The following MTMR4 variants were observed in gnomAD, a reference collection of about 807,000 sequenced individuals.
The protein encoded by MTMR4 is myotubularin related protein 4.
A neutral mutation model predicts 125.5 loss-of-function variants in MTMR4; 30 were observed. That is an observed-to-expected ratio of 0.24 (90% CI 0.18 to 0.32). The LOEUF is 0.32. MTMR4 is among the 10% of genes least tolerant of loss of function. MTMR4 has a pLI of 1.00. For missense variants in MTMR4, 1,039 were observed against 1,511.5 expected (o/e 0.69, Z 5.18); for synonymous variants, 498 against 564.5 (o/e 0.88, Z 1.67).
chr17:58,505,323 T>G, intron 10 of MTMR4, 149 bp downstream of exon 10: 1 of 647,432 alleles, frequency 1.5e-6, no homozygotes. Context: ...AGTGGAAGGG[T>G]TCTTGGAACT....
Position 58,492,756 on chromosome 17 carries a change from C to T in MTMR4, c.3363+86G>A, listed in dbSNP as rs949330824. On this transcript the variant is annotated intron_variant, in intron 16 of 17. Coordinates refer to ENST00000682306, the MANE Select transcript of MTMR4 (RefSeq NM_001378067.1). ...GCTGACACTCCTCTGGGGGACAGCT[C>T]AGTCTACAGCATGTCATTCATCTCT... 5.1e-6 allele frequency: 7 copies of T among 1,375,878 alleles called. No individual in the cohort carries two copies. The African/African-American group carries it at 8.6e-5, about 17-fold the overall frequency. The allele number at this position is 1,375,878 out of a possible 1,614,324, so 85.2% of individuals were successfully genotyped here.
Position 58,514,469 on chromosome 17 carries a change from C to A in MTMR4, c.-62G>T. ...GAGCCGCTGCGCTGCCCGCCAGCCC[C>A]GGGCGCCCGCCGCATCCCGGCTGCG... On this transcript the variant is annotated 5_prime_UTR_variant, in exon 1 of 18. Transcript: ENST00000682306. 1 of 984,852 alleles carries A rather than the reference C, an allele frequency of 1.0e-6. No homozygotes were observed. Among genetic ancestry groups the A allele is most frequent in the Non-Finnish European group, 1.2e-6 (1 of 829,678 alleles). 61.0% of individuals were successfully genotyped at this position (984,852 alleles called of 1,614,324 possible). A position where few individuals can be genotyped will look rare whatever the true frequency, so the allele number is the denominator to read the frequency against.
chr17:58,508,655 T>C lies in MTMR4; in HGVS notation c.496+26A>G, dbSNP rs1265829239. ...GAGAACTAAGGGGTAAGAAGCAGCC[T>C]CCCAAAGAAAATAGACTGGCCTCAC... is the stretch of plus-strand genomic sequence containing the variant. On this transcript the variant is annotated intron_variant, in intron 5 of 17. Coordinates refer to ENST00000682306, the MANE Select transcript of MTMR4 (RefSeq NM_001378067.1). This position sits in a 1 kb window ranked among gnomAD's most constrained non-coding sequence, Gnocchi z 4.8. 1 of 1,613,396 alleles carries C rather than the reference T, an allele frequency of 6.2e-7. No individual in the cohort carries two copies. The highest frequency in any genetic ancestry group is 1.1e-5 in the South Asian group (1 of 91,064).
At chr17:58,496,663 T>C (rs1975475364) in intron 14 of MTMR4, among the ~76,000 whole-genome samples, 1 of 152,202 alleles carries the variant, frequency 6.6e-6, no homozygotes, top group Admixed American at 6.5e-5. Context: ...CTTCTGAATC[T>C]ACTGTTCCAG....
chr17:58,504,251 G>C lies in MTMR4; in HGVS notation c.1528-31C>G. The C allele has an allele frequency of 1.2e-6, 2 of 1,603,428 alleles. No homozygotes were observed. The highest frequency in any genetic ancestry group is 1.7e-6 in the Non-Finnish European group (2 of 1,171,428). ...AAGCAGAGAGAGCTTGCACCTGGGG[G>C]CCTCGGGCTGTCATTCCCCCCATCC... On this transcript the variant is annotated intron_variant, in intron 12 of 17. Transcript: ENST00000682306. This position sits in a 1 kb window ranked among gnomAD's most constrained non-coding sequence, Gnocchi z 7.1.
Position 58,512,304 on chromosome 17 carries a change from A to G in MTMR4, c.252+86T>C. On this transcript the variant is annotated intron_variant, in intron 3 of 17. Transcript: ENST00000682306. The surrounding 1 kb of genome is among the most constrained non-coding windows in gnomAD (Gnocchi z 4.1). The stretch of plus-strand genomic sequence containing the variant: ...CCCGGCCTCCAACTTTTTTAATGAC[A>G]TGATCAAGGACAGCCTTGGAACAAT... The G allele has an allele frequency of 3.3e-6, 4 of 1,220,924 alleles. No individual in the cohort carries two copies. The highest frequency in any genetic ancestry group is 1.7e-5 in the Admixed American group (1 of 57,638). The allele number at this position is 1,220,924 out of a possible 1,614,324, so 75.6% of individuals were successfully genotyped here.
At chr17:58,517,412 G>A (rs897519049), upstream of MTMR4, among the ~76,000 whole-genome samples, 5 of 152,254 alleles carry the variant, frequency 3.3e-5, no homozygotes, top group Non-Finnish European at 7.3e-5. Context: ...GAGGCTGCGG[G>A]GATAAAAGCC....
At chr17:58,496,534 T>C (rs568422968) in intron 14 of MTMR4, among the ~76,000 whole-genome samples, 35 of 152,222 alleles carry the variant, frequency 2.3e-4, no homozygotes, top group Admixed American at 4.6e-4. Context: ...GCATGAGACA[T>C]GGACCGTGTC....
Position 58,490,202 on chromosome 17 carries a change from A to C in MTMR4, c.*1461T>G, listed in dbSNP as rs773623812. 6.6e-6 allele frequency: 1 copy of C among 152,470 alleles called. No individual in the cohort carries two copies. Among genetic ancestry groups the C allele is most frequent in the Non-Finnish European group, 1.5e-5 (1 of 68,050 alleles). The allele number at this position is 152,470 out of a possible 1,614,324, so 9.4% of individuals were successfully genotyped here. ...TTCTAGAAAGCAACATGAAAGTAGCAGTAAGAAAGATGACTACCATCATTT... is the reference window on the plus strand; with the variant it reads ...TTCTAGAAAGCAACATGAAAGTAGCCGTAAGAAAGATGACTACCATCATTT... On this transcript the variant is annotated 3_prime_UTR_variant, in exon 18 of 18. Transcript: ENST00000682306.
chr17:58,504,301 A>G lies in MTMR4; in HGVS notation c.1527+2T>C, dbSNP rs1975722217. 6 of 1,613,132 alleles carry G rather than the reference A, an allele frequency of 3.7e-6. No homozygotes were observed. In the Admixed American group the frequency reaches 1.0e-4, roughly 27 times the overall value. On this transcript the variant is annotated splice_donor_variant, in intron 12 of 17. Transcript: ENST00000682306. LOFTEE classifies it high-confidence loss of function. This position sits in a 1 kb window ranked among gnomAD's most constrained non-coding sequence, Gnocchi z 7.1. ...CCTGTTGTCACAGGCCTTAGGACTT[A>G]CCAGGAATGCTTCATTAAATTCAAA...
intron 14 of MTMR4, among the ~76,000 whole-genome samples, chr17:58,500,522 G>A (rs921262332): frequency 1.4e-4 from 22 of 152,052 alleles, no homozygotes; most frequent in African/African-American, 3.4e-4. Context: ...AGGCCGAGGC[G>A]GGTAGATTAC....
chr17:58,494,183 G>A (rs916670984), intron 15 of MTMR4, among the ~76,000 whole-genome samples: 6 of 152,078 alleles, frequency 3.9e-5, no homozygotes, highest in African/African-American at 1.2e-4. Context: ...AGCTGGGCAT[G>A]GTGGCGGGCG....
At chr17:58,516,305 T>C (rs1321680789), upstream of MTMR4, among the ~76,000 whole-genome samples, 2 of 152,126 alleles carry the variant, frequency 1.3e-5, no homozygotes, top group African/African-American at 2.4e-5. Flanking sequence ...TATGAAGGGT[T>C]AATAGAACCA....
rs954262184 is a variant in MTMR4 at position 58,508,484 on chromosome 17, T to C, written c.577A>G (p.Ile193Val). Residue 193 changes from isoleucine to valine, a missense_variant, in exon 6 of 18, where the codon ATC becomes GTC. By Grantham distance (29) the Ile-to-Val change is conservative. Around this residue, in one of 6 missense-constraint regions of MTMR4, gnomAD observed 202 missense variants for 311.9 expected, o/e 0.65. Coordinates refer to ENST00000682306, the MANE Select transcript of MTMR4 (RefSeq NM_001378067.1). This position sits in a 1 kb window ranked among gnomAD's most constrained non-coding sequence, Gnocchi z 4.8. ...CCCTCTCACTTGTAGTTGCTGTTGA[T>C]GTGTGAGACTCTCCAGACGTTCTGC... ...DLQNVWRVSH[I>V]NSNYKLCPSY... The C allele has an allele frequency of 2.5e-6, 4 of 1,614,118 alleles. No individual in the cohort carries two copies. The highest frequency in any genetic ancestry group is 1.7e-5 in the Admixed American group (1 of 60,006).
rs759798825 is a variant in MTMR4 at position 58,508,317 on chromosome 17, CAT to C, written c.594-45_594-44del. 6.3e-7 allele frequency: 1 copy of C among 1,581,122 alleles called. No individual in the cohort carries two copies. The highest frequency in any genetic ancestry group is 1.3e-5 in the African/African-American group (1 of 74,246). On this transcript the variant is annotated intron_variant, in intron 6 of 17. Transcript: ENST00000682306. This position sits in a 1 kb window ranked among gnomAD's most constrained non-coding sequence, Gnocchi z 4.8. Reference sequence around the variant, plus strand: ...GGGGGTCACTGCACTGGGTCTAAAACATGTGATGACAGGATCCCTGGGGATGG... The same window carrying C: ...GGGGGTCACTGCACTGGGTCTAAAACGTGATGACAGGATCCCTGGGGATGG...
intron 14 of MTMR4, among the ~76,000 whole-genome samples, chr17:58,498,770 A>G (rs1331579397): frequency 6.6e-6 from 1 of 152,022 alleles, no homozygotes; most frequent in African/African-American, 2.4e-5. Flanking sequence ...ATTTCCCTGT[A>G]TCTCCGCTTT....
At chr17:58,492,273 G>A (rs1386839734) in intron 17 of MTMR4, among the ~76,000 whole-genome samples, 2 of 152,206 alleles carry the variant, frequency 1.3e-5, no homozygotes, top group Non-Finnish European at 2.9e-5. Context: ...CCTGGTTCGA[G>A]CTATTCTCCT....
intron 15 of MTMR4, 126 bp downstream of exon 15, chr17:58,494,806 T>G: frequency 1.2e-6 from 1 of 812,410 alleles, no homozygotes; most frequent in South Asian, 1.8e-5. Flanking sequence ...TACTTGTTTT[T>G]CATCCTATAG....
Position 58,495,440 on chromosome 17 carries a change from G to C in MTMR4, c.2744C>G (p.Ser915Cys), listed in dbSNP as rs755546923. 12 of 1,614,250 alleles carry C rather than the reference G, an allele frequency of 7.4e-6. No individual in the cohort carries two copies. The highest frequency in any genetic ancestry group is 1.0e-5 in the Non-Finnish European group (12 of 1,180,044). The change falls in exon 15 of 18, where the codon TCT (serine) becomes TGT (cysteine). Residue 915 changes from serine (S) to cysteine (C), a missense_variant. By Grantham distance (112) the Ser-to-Cys change is moderately radical. This residue lies in a region of MTMR4 where 619 missense variants were observed against 714.5 expected (regional missense o/e 0.87). Transcript: ENST00000682306. The stretch of plus-strand genomic sequence containing the variant: ...GCTGTCCCAGTTGGACCCTAGAAAA[G>C]AGAACTCACTGATCTGGCTCTGAGA... ...PISQSQISEF[S>C]FLGSNWDSFQ...
Sources: gnomAD v4.1 joint callset for allele counts (sites outside exome capture counted in the v4.1 genomes callset) on GRCh38, gnomAD v4.1.1 for gene constraint, gnomAD v4.1.1 regional missense constraint, Gnocchi (gnomAD v3.1) non-coding constraint, MANE v1.5 for transcripts, NCBI Gene and HGNC (gene_info 2026-07-23, HGNC 2026-07-21) for gene names.